SNX13: variants seen among roughly 807,000 people sequenced by gnomAD.
SNX13 encodes sorting nexin 13.
Under a neutral mutation model 133.6 loss-of-function variants are expected in SNX13, and 45 were observed. That is an observed-to-expected ratio of 0.34 (90% confidence interval 0.27 to 0.43). SNX13 has a LOEUF of 0.43. SNX13 is among the 20% of genes least tolerant of loss of function. The pLI is 1.00. For synonymous variants in SNX13, 414 were observed against 373.9 expected, an observed-to-expected ratio of 1.11 and a Z score of -1.24; for missense variants, 1,032 against 1,145.1, an observed-to-expected ratio of 0.90 and a Z score of 1.43.
chr7:17,928,312 T>C (rs541309059), intron 1 of SNX13, among the ~76,000 whole-genome samples: 6 of 152,278 alleles, frequency 3.9e-5, no homozygotes, highest in Admixed American at 1.3e-4. Context: ...CTGGGCAATA[T>C]AGCAAGACCC....
At chr7:17,862,486 G>A (rs1377723352) in intron 9 of SNX13, among the ~76,000 whole-genome samples, 2 of 152,040 alleles carry the variant, frequency 1.3e-5, no homozygotes, top group East Asian at 1.9e-4. Context: ...TAACATTTCA[G>A]TGTATATCCT....
intron 5 of SNX13, among the ~76,000 whole-genome samples, chr7:17,878,768 G>C (rs1292105518): frequency 6.6e-6 from 1 of 152,154 alleles, no homozygotes; most frequent in Non-Finnish European, 1.5e-5. Context: ...AAGCCCTTGT[G>C]TATTTCCTCA....
intron 1 of SNX13, among the ~76,000 whole-genome samples, chr7:17,912,765 C>T (rs982467345): frequency 6.6e-6 from 1 of 152,146 alleles, no homozygotes; most frequent in Non-Finnish European, 1.5e-5. Context: ...TGTTTGGCAA[C>T]CTGGCAGCAG....
intron 12 of SNX13, among the ~76,000 whole-genome samples, chr7:17,845,394 T>TACCAAC (rs1184186180): frequency 5.9e-5 from 9 of 151,866 alleles, no homozygotes; most frequent in Non-Finnish European, 1.3e-4. Flanking sequence ...ATGGAGAGAG[T>TACCAAC]TGGTGTTTAA....
At chr7:17,815,274 A>C (rs1027617245) in intron 19 of SNX13, among the ~76,000 whole-genome samples, 3 of 152,196 alleles carry the variant, frequency 2.0e-5, no homozygotes, top group Admixed American at 2.0e-4. Context: ...CGTTATTTGC[A>C]TAACAATTCT....
chr7:17,893,348 G>A lies in SNX13; in HGVS notation c.212C>T (p.Ser71Leu), dbSNP rs200885761. ...ACGATTTACCTTAGGAACCCCAGGT[G>A]ATGTTGGAGGAAGAAATGAGTGTTC... The part of the protein sequence containing the change: ...QCEHSFLPPT[S>L]PGVPKCLEEM... Residue 71 changes from serine (S) to leucine (L), a missense_variant, in exon 3 of 26, where the codon TCA becomes TTA. Physicochemically the swap from Ser to Leu is moderately radical, Grantham distance 145 (BLOSUM62 -2). Coordinates refer to ENST00000428135, the MANE Select transcript of SNX13 (RefSeq NM_015132.5). The A allele has an allele frequency of 5.7e-6, 9 of 1,573,096 alleles. No homozygotes were observed. The highest frequency in any genetic ancestry group is 8.6e-7 in the Non-Finnish European group (1 of 1,157,198).
intron 7 of SNX13, among the ~76,000 whole-genome samples, chr7:17,874,667 T>C (rs767022653): frequency 3.3e-5 from 5 of 152,236 alleles, no homozygotes; most frequent in Non-Finnish European, 7.3e-5. Context: ...TTTTCTATAG[T>C]TGTTCCTATG....
chr7:17,849,907 C>G (rs1219032484), intron 11 of SNX13, among the ~76,000 whole-genome samples: 1 of 152,178 alleles, frequency 6.6e-6, no homozygotes, highest in Non-Finnish European at 1.5e-5. Flanking sequence ...TGCTTTATTA[C>G]TGTTTTTTGC....
chr7:17,866,781 TAC>T (rs1793447127), intron 9 of SNX13, among the ~76,000 whole-genome samples: 1 of 152,304 alleles, frequency 6.6e-6, no homozygotes, highest in African/African-American at 2.4e-5. Flanking sequence ...GAGTAAGATC[TAC>T]CATTCAGTAG....
rs1459147025 is a variant in SNX13, at chr7:17,834,748, T to C, written c.1464+13A>G. ...AAAAAAGATAAAATGATAAATGCTG[T>C]ACATAATAATACCTTTCTTTGAATG... On this transcript the variant is annotated intron_variant, in intron 14 of 25. Transcript: ENST00000428135. 1 of 1,493,098 alleles carries C rather than the reference T, an allele frequency of 6.7e-7. No homozygotes were observed. The highest frequency in any genetic ancestry group is 2.3e-5 in the East Asian group (1 of 44,020). The allele number at this position is 1,493,098 out of a possible 1,614,324, so 92.5% of individuals were successfully genotyped here. A position where few individuals can be genotyped will look rare whatever the true frequency, so the allele number is the denominator to read the frequency against.
Position 17,791,330 on chromosome 7 carries a change from C to G in SNX13, c.*2715G>C, listed in dbSNP as rs2128279227. 2 of 150,942 alleles carry G rather than the reference C, an allele frequency of 1.3e-5. No individual in the cohort carries two copies. The highest frequency in any genetic ancestry group is 4.9e-5 in the African/African-American group (2 of 41,208). 9.4% of individuals were successfully genotyped at this position (150,942 alleles called of 1,614,324 possible). A position where few individuals can be genotyped will look rare whatever the true frequency, so the allele number is the denominator to read the frequency against. ...CTGATTGATTTTTCTTCCCAAATAC[C>G]AGCAGCACAAACTTAAAATGAACAA... On this transcript the variant is annotated 3_prime_UTR_variant, in exon 26 of 26. Coordinates refer to ENST00000428135, the MANE Select transcript of SNX13 (RefSeq NM_015132.5).
At chr7:17,831,982 A>T (rs1176269352) in intron 15 of SNX13, 5 of 983,852 alleles carry the variant, frequency 5.1e-6, no homozygotes, top group African/African-American at 1.8e-5. Context: ...AATGGTTTCA[A>T]AAAAGGGATA....
At chr7:17,921,308 A>C (rs1311114395) in intron 1 of SNX13, among the ~76,000 whole-genome samples, 1 of 152,182 alleles carries the variant, frequency 6.6e-6, no homozygotes, top group African/African-American at 2.4e-5. Context: ...ATAGAGAGAT[A>C]AATACATTCA....
chr7:17,796,865 C>G lies in SNX13; in HGVS notation c.2588G>C (p.Arg863Thr). ...AAGTAATTTCGTTTTTCCTGCTACT[C>G]TTGTTCTCATTCGAATACTTTTATC... Reference protein sequence around the residue: ...CRDKSIRMRTRVAGKTKLLAI... With the variant: ...CRDKSIRMRTTVAGKTKLLAI... Residue 863 changes from arginine (R) to threonine (T), a missense_variant, in exon 25 of 26, where the codon AGA becomes ACA. By Grantham distance (71) the Arg-to-Thr change is moderately conservative. Transcript: ENST00000428135. 1 of 1,611,186 alleles carries G rather than the reference C, an allele frequency of 6.2e-7. No individual in the cohort carries two copies. The highest frequency in any genetic ancestry group is 1.7e-4 in the Middle Eastern group (1 of 6,046).
At chr7:17,878,031 C>T (rs1794924840) in intron 5 of SNX13, among the ~76,000 whole-genome samples, 2 of 151,950 alleles carry the variant, frequency 1.3e-5, no homozygotes, top group South Asian at 4.1e-4. Flanking sequence ...CAGTGAAGTA[C>T]TTTCTAAAAT....
intron 9 of SNX13, among the ~76,000 whole-genome samples, chr7:17,863,915 C>T (rs547195328): frequency 6.6e-6 from 1 of 152,264 alleles, no homozygotes; most frequent in South Asian, 2.1e-4. Context: ...TACTGAAGTG[C>T]ATCATGGCAG....
chr7:17,875,103 C>A (rs1794567678), intron 7 of SNX13, among the ~76,000 whole-genome samples: 1 of 152,024 alleles, frequency 6.6e-6, no homozygotes, highest in African/African-American at 2.4e-5. Context: ...ACTTCCCAGG[C>A]TCCGGTGATT....
At position 17,840,115 on chromosome 7, in the gene SNX13, T is replaced by C. The variant is rs544466851; in HGVS notation, c.1166-115A>G. 6 of 772,334 alleles carry C rather than the reference T, an allele frequency of 7.8e-6. No homozygotes were observed. The East Asian group carries it at 1.6e-4, about 21-fold the overall frequency. The allele number at this position is 772,334 out of a possible 1,614,324, so 47.8% of individuals were successfully genotyped here. On this transcript the variant is annotated intron_variant, in intron 12 of 25. Transcript: ENST00000428135. ...GTTTCAAGTGTTTAAAACTCCACAT[T>C]TTGAAAATGTTTTAGCAAATCCCTG... is the stretch of plus-strand genomic sequence containing the variant.
intron 20 of SNX13, among the ~76,000 whole-genome samples, chr7:17,809,804 G>A (rs913057875): frequency 6.6e-6 from 1 of 152,096 alleles, no homozygotes; most frequent in African/African-American, 2.4e-5. Flanking sequence ...TTAGAACTCA[G>A]GATTAAGAAA....
Sources: allele counts gnomAD v4.1 joint callset (sites outside exome capture counted in the v4.1 genomes callset), GRCh38; gene constraint gnomAD v4.1.1; transcripts MANE v1.5; gene names NCBI Gene and HGNC (gene_info 2026-07-23, HGNC 2026-07-21).